Variants in TMPRSS9 observed in about 807,000 individuals in gnomAD.
TMPRSS9 encodes transmembrane serine protease 9.
In TMPRSS9, 113 loss-of-function variants were observed where a neutral mutation model predicts 111.4. That is an observed-to-expected ratio of 1.01 (90% CI 0.87 to 1.19). The LOEUF is 1.19. Ranked by LOEUF, TMPRSS9 falls within the 50% of genes most tolerant of loss-of-function variation. The pLI, the probability that TMPRSS9 is intolerant of heterozygous loss-of-function variation, is 0.00. For synonymous variants in TMPRSS9, 805 were observed against 659.1 expected (o/e 1.22, Z -3.39); for missense variants, 1,803 against 1,513.1 (o/e 1.19, Z -3.18).
At chr19:2,396,267 T>C (rs185639407) in intron 1 of TMPRSS9, 45 of 361,736 alleles carry the variant, frequency 1.2e-4, no homozygotes, top group African/African-American at 8.7e-4. Context: ...TGGGGCTCAC[T>C]TGGCACTCAT....
At chr19:2,399,995 G>T (rs1970796260) in intron 4 of TMPRSS9, among the ~76,000 whole-genome samples, 1 of 152,162 alleles carries the variant, frequency 6.6e-6, no homozygotes, top group Non-Finnish European at 1.5e-5. Flanking sequence ...CTCCCAAAGT[G>T]CTGGGATTAT....
chr19:2,425,115 A>G (rs1214508698), exon 16 of TMPRSS9: 5 of 1,582,808 alleles, frequency 3.2e-6, no homozygotes, highest in Admixed American at 3.4e-5. Context: ...TACAATCTCT[A>G]CACGCTCGAC....
intron 1 of TMPRSS9, 137 bp downstream of exon 2, chr19:2,390,064 G>C: frequency 8.8e-7 from 1 of 1,135,614 alleles, no homozygotes; most frequent in South Asian, 1.5e-5. Flanking sequence ...GGCTGCCCTA[G>C]GCCAGGCGGG....
chr19:2,364,935 C>A (rs143428813), intron 1 of TMPRSS9, among the ~76,000 whole-genome samples: 1 of 150,984 alleles, frequency 6.6e-6, no homozygotes, highest in Admixed American at 6.6e-5. Flanking sequence ...GCCAGGATCG[C>A]GCCACTGCAC....
At chr19:2,360,637 C>T (rs1018142112) in intron 1 of TMPRSS9, among the ~76,000 whole-genome samples, 1 of 150,484 alleles carries the variant, frequency 6.6e-6, no homozygotes, top group Admixed American at 6.6e-5. Context: ...TAGATGTGGC[C>T]GGGGTTGTGT....
At chr19:2,390,009 T>C in intron 1 of TMPRSS9, 82 bp downstream of exon 2, 1 of 1,523,132 alleles carries the variant, frequency 6.6e-7, no homozygotes, top group Non-Finnish European at 8.9e-7. Flanking sequence ...TGGTGTCTCC[T>C]TGGCCATCTG....
exon 10 of TMPRSS9, chr19:2,413,840 C>G (rs376254826): frequency 6.2e-7 from 1 of 1,613,766 alleles, no homozygotes; most frequent in Admixed American, 1.7e-5. Flanking sequence ...GTGACTGGAT[C>G]CTGGAGGCCA....
At chr19:2,364,896 G>A (rs1011378726) in intron 1 of TMPRSS9, among the ~76,000 whole-genome samples, 6 of 151,614 alleles carry the variant, frequency 4.0e-5, no homozygotes, top group Admixed American at 2.6e-4. Context: ...GGAGAATGGC[G>A]TGAACCCGGG....
chr19:2,406,721 A>G (rs757292671), intron 7 of TMPRSS9, among the ~76,000 whole-genome samples: 6 of 151,414 alleles, frequency 4.0e-5, no homozygotes, highest in Middle Eastern at 3.4e-3. Context: ...TCGGTGACCA[A>G]TGACATTTTG....
intron 17 of TMPRSS9, chr19:2,425,719 G>A: frequency 8.6e-7 from 1 of 1,158,434 alleles, no homozygotes; most frequent in South Asian, 1.7e-5. Context: ...GCAGGCAGAG[G>A]CTGCAGTGGG....
At chr19:2,365,337 G>T (rs1406346761) in intron 1 of TMPRSS9, among the ~76,000 whole-genome samples, 1 of 145,742 alleles carries the variant, frequency 6.9e-6, no homozygotes, top group African/African-American at 2.5e-5. Flanking sequence ...TAGACAAAAT[G>T]AAAAAAAAAA....
At position 2,384,699 on chromosome 19, in the gene TMPRSS9, A is replaced by C. The variant is rs576664102; in HGVS notation, c.-25-5062A>C. 1.7e-4 allele frequency among the ~76,000 whole-genome samples: 26 copies of C among 151,780 alleles called. No homozygotes were observed. In the East Asian group the frequency reaches 2.1e-3, roughly 13 times the overall value. ...GCGTGGTGGCGGGCGCCTGTAGTCC[A>C]AGCTACTCAGGAGGCGGAGTCAGGA... On this transcript the variant is annotated intron_variant, in intron 1 of 17. Coordinates refer to the TMPRSS9 transcript ENST00000649857.
intron 13 of TMPRSS9, among the ~76,000 whole-genome samples, 181 bp downstream of exon 14, chr19:2,418,319 C>CTTCCCT (rs1168336908): frequency 2.5e-5 from 1 of 39,620 alleles, no homozygotes; most frequent in African/African-American, 1.8e-4. Flanking sequence ...CCCTCCCTCC[C>CTTCCCT]TCCCTCCCTC....
At chr19:2,423,333 G>C (rs911729699) in intron 14 of TMPRSS9, among the ~76,000 whole-genome samples, 3 of 152,046 alleles carry the variant, frequency 2.0e-5, no homozygotes, top group African/African-American at 7.2e-5. Context: ...GACAGCGGCT[G>C]CGGCTGCTGT....
chr19:2,366,677 G>GCA, intron 1 of TMPRSS9, among the ~76,000 whole-genome samples: 1 of 151,708 alleles, frequency 6.6e-6, no homozygotes, highest in Non-Finnish European at 1.5e-5. Flanking sequence ...CTAACACGAT[G>GCA]AAACCCCACC....
chr19:2,368,458 G>C (rs1029019867), intron 1 of TMPRSS9, among the ~76,000 whole-genome samples: 4 of 152,212 alleles, frequency 2.6e-5, no homozygotes, highest in African/African-American at 9.6e-5. Context: ...GATCGGCGAG[G>C]AGGCCAGTGA....
At chr19:2,381,855 T>C (rs931118829) in intron 1 of TMPRSS9, among the ~76,000 whole-genome samples, 14 of 137,120 alleles carry the variant, frequency 1.0e-4, no homozygotes, top group Admixed American at 7.3e-4. Context: ...TTCATTCATT[T>C]ATTTTGAGAC....
At chr19:2,362,957 G>A (rs1761412152) in intron 1 of TMPRSS9, among the ~76,000 whole-genome samples, 1 of 78,488 alleles carries the variant, frequency 1.3e-5, no homozygotes, top group South Asian at 6.3e-4. Flanking sequence ...TGTTGTGTGA[G>A]GTTGTGGTTG....
At chr19:2,425,138 C>T (rs2145427909) in exon 16 of TMPRSS9, 1 of 1,580,678 alleles carries the variant, frequency 6.3e-7, no homozygotes, top group Non-Finnish European at 8.5e-7. Flanking sequence ...CGACGTGGCG[C>T]TGCTGGAGCT....
Sources: allele counts gnomAD v4.1 joint callset (sites outside exome capture counted in the v4.1 genomes callset), GRCh38; gene constraint gnomAD v4.1.1; transcripts MANE v1.5; gene names NCBI Gene and HGNC (gene_info 2026-07-23, HGNC 2026-07-21).